Variants in RASAL2 observed in about 807,000 individuals in gnomAD.
The protein encoded by RASAL2 is RAS protein activator like 2, also known as ras GTPase-activating protein nGAP.
A neutral mutation model predicts 128.9 loss-of-function variants in RASAL2; 58 were observed. The observed-to-expected ratio is 0.45, with a 90% CI of 0.36 to 0.56. The LOEUF (loss-of-function observed/expected upper bound fraction) is 0.56. RASAL2 is among the 20% of genes least tolerant of loss of function. RASAL2 has a pLI of 0.00. For synonymous variants in RASAL2, 561 were observed against 580.8 expected (o/e 0.97, Z 0.49); for missense variants, 1,360 against 1,601.6 (o/e 0.85, Z 2.57).
At chr1:178,283,175 C>T (rs375293791) in intron 1 of RASAL2, among the ~76,000 whole-genome samples, 8 of 152,258 alleles carry the variant, frequency 5.3e-5, no homozygotes, top group African/African-American at 9.6e-5. Flanking sequence ...ACAGTGTTCT[C>T]AAAGTGTACA....
intron 1 of RASAL2, among the ~76,000 whole-genome samples, chr1:178,231,401 G>A (rs1664003016): frequency 6.6e-6 from 1 of 152,144 alleles, no homozygotes; most frequent in African/African-American, 2.4e-5. Context: ...CTTTTTACCA[G>A]TAAGGTATAG....
At chr1:178,433,681 G>C (rs1243755590) in intron 5 of RASAL2, among the ~76,000 whole-genome samples, 1 of 152,082 alleles carries the variant, frequency 6.6e-6, no homozygotes, top group Non-Finnish European at 1.5e-5. Flanking sequence ...GGAAGGCTGA[G>C]GCGGGCGGAT....
At chr1:178,434,471 T>C (rs1449498130) in intron 5 of RASAL2, among the ~76,000 whole-genome samples, 1 of 152,172 alleles carries the variant, frequency 6.6e-6, no homozygotes, top group Non-Finnish European at 1.5e-5. Context: ...ACAAATATCC[T>C]TCTTCATCAT....
chr1:178,223,814 G>C (rs867686187), intron 1 of RASAL2, among the ~76,000 whole-genome samples: 3 of 152,168 alleles, frequency 2.0e-5, no homozygotes, highest in Admixed American at 1.3e-4. Flanking sequence ...GGGGAAATGA[G>C]TAAGATTCAT....
At chr1:178,419,195 A>C (rs946649874) in intron 4 of RASAL2, among the ~76,000 whole-genome samples, 1 of 152,192 alleles carries the variant, frequency 6.6e-6, no homozygotes, top group Admixed American at 6.5e-5. Context: ...AATGATATTC[A>C]TCTCAAGAAA....
intron 1 of RASAL2, among the ~76,000 whole-genome samples, chr1:178,100,029 T>C (rs1658834739): frequency 6.6e-6 from 1 of 152,092 alleles, no homozygotes; most frequent in African/African-American, 2.4e-5. Flanking sequence ...CAGGTCAGAC[T>C]TTACTGCCAG....
intron 1 of RASAL2, among the ~76,000 whole-genome samples, chr1:178,199,509 C>G (rs1438640042): frequency 6.6e-6 from 1 of 152,100 alleles, no homozygotes; most frequent in Non-Finnish European, 1.5e-5. Context: ...GAACATTGTT[C>G]ATAAAACCAA....
chr1:178,425,374 A>G (rs1011123901), intron 5 of RASAL2, among the ~76,000 whole-genome samples: 2 of 152,154 alleles, frequency 1.3e-5, no homozygotes, highest in Admixed American at 1.3e-4. Flanking sequence ...TTAAAAATTA[A>G]TATGAGAAAC....
intron 8 of RASAL2, among the ~76,000 whole-genome samples, chr1:178,445,219 T>C (rs933758425): frequency 1.3e-5 from 2 of 151,210 alleles, no homozygotes; most frequent in Non-Finnish European, 2.9e-5. Flanking sequence ...TTAAAGGACC[T>C]AAAAAGAAAA....
intron 1 of RASAL2, among the ~76,000 whole-genome samples, chr1:178,157,034 G>A (rs1405819645): frequency 6.6e-6 from 1 of 152,046 alleles, no homozygotes; most frequent in Non-Finnish European, 1.5e-5. Context: ...TATGGGTAAC[G>A]TCTTTTGTTT....
At chr1:178,107,998 C>T (rs913831847) in intron 1 of RASAL2, among the ~76,000 whole-genome samples, 2 of 152,026 alleles carry the variant, frequency 1.3e-5, no homozygotes, top group African/African-American at 4.8e-5. Context: ...TATGGTTGTT[C>T]TATGTTTAGC....
At chr1:178,455,850 A>G (rs1403162780) in intron 12 of RASAL2, among the ~76,000 whole-genome samples, 1 of 152,246 alleles carries the variant, frequency 6.6e-6, no homozygotes, top group Non-Finnish European at 1.5e-5. Context: ...AGAATTCCCT[A>G]AATAAAAAAA....
intron 1 of RASAL2, among the ~76,000 whole-genome samples, chr1:178,096,670 A>T (rs564316879): frequency 1.3e-5 from 2 of 152,008 alleles, no homozygotes; most frequent in Admixed American, 6.5e-5. Flanking sequence ...TATGTGTGTG[A>T]CACACACATA....
intron 3 of RASAL2, among the ~76,000 whole-genome samples, chr1:178,310,118 A>C (rs980672678): frequency 3.6e-4 from 55 of 152,222 alleles, no homozygotes; most frequent in African/African-American, 1.1e-3. Flanking sequence ...ATATCTAGAT[A>C]ATTTGTGAAA....
At chr1:178,213,809 A>G (rs186017632) in intron 1 of RASAL2, among the ~76,000 whole-genome samples, 36 of 151,952 alleles carry the variant, frequency 2.4e-4, no homozygotes, top group Admixed American at 1.4e-3. Context: ...GGATCCTGAA[A>G]ATCTGTGAGC....
At chr1:178,373,488 A>G (rs866260229) in intron 3 of RASAL2, among the ~76,000 whole-genome samples, 4 of 151,642 alleles carry the variant, frequency 2.6e-5, no homozygotes, top group Admixed American at 6.6e-5. Context: ...CCCCTGACAC[A>G]TGCATACATA....
chr1:178,437,304 A>G (rs1572071136), intron 5 of RASAL2, among the ~76,000 whole-genome samples: 2 of 152,122 alleles, frequency 1.3e-5, no homozygotes, highest in Admixed American at 6.6e-5. Context: ...AGATTTTATC[A>G]GTAACCAAAG....
chr1:178,174,730 T>C (rs547062355), intron 1 of RASAL2, among the ~76,000 whole-genome samples: 1 of 152,270 alleles, frequency 6.6e-6, no homozygotes, highest in African/African-American at 2.4e-5. Flanking sequence ...ATTTAAACAG[T>C]GTAGAGTGTT....
chr1:178,173,519 C>T (rs1294672241), intron 1 of RASAL2, among the ~76,000 whole-genome samples: 3 of 152,060 alleles, frequency 2.0e-5, no homozygotes, highest in African/African-American at 7.2e-5. Flanking sequence ...TGAAATTACA[C>T]ATTTCGTATG....
Sources: gnomAD v4.1 joint callset for allele counts (sites outside exome capture counted in the v4.1 genomes callset) on GRCh38, gnomAD v4.1.1 for gene constraint, MANE v1.5 for transcripts, NCBI Gene and HGNC (gene_info 2026-07-23, HGNC 2026-07-21) for gene names.